Variants in PDE1A observed in about 807,000 individuals in gnomAD.
PDE1A encodes phosphodiesterase 1A, also known as dual specificity calcium/calmodulin-dependent 3',5'-cyclic nucleotide phosphodiesterase 1A.
PDE1A carries 35 observed loss-of-function variants against 61.7 expected under a neutral mutation model. The ratio of observed to expected loss-of-function variants is 0.57; its 90% CI spans 0.43 to 0.75. The LOEUF is 0.75. PDE1A is among the 30% of genes least tolerant of loss of function. PDE1A has a pLI of 0.00. For missense variants in PDE1A, 597 were observed against 630.6 expected, an observed-to-expected ratio of 0.95 and a Z score of 0.57; for synonymous variants, 232 against 213.2, an observed-to-expected ratio of 1.09 and a Z score of -0.77.
intron 1 of PDE1A, among the ~76,000 whole-genome samples, chr2:182,285,033 C>A (rs534380187): frequency 1.3e-5 from 2 of 152,056 alleles, no homozygotes; most frequent in East Asian, 1.9e-4. Flanking sequence ...CTCAAGCCAG[C>A]ATTCTTATAC....
At chr2:182,551,025 G>T in the PDE1A span, among the ~76,000 whole-genome samples, 1 of 148,456 alleles carries the variant, frequency 6.7e-6, no homozygotes, top group Non-Finnish European at 1.5e-5. Flanking sequence ...AGAATAACTG[G>T]CCAATGTTTC....
intron 2 of PDE1A, among the ~76,000 whole-genome samples, chr2:182,470,187 C>A (rs13417404): frequency 0.26 from 38,661 of 151,488 alleles, 5,142 homozygotes; most frequent in Middle Eastern, 0.43. Flanking sequence ...GCAGTAAAGC[C>A]AAGTGTAATG....
the PDE1A span, among the ~76,000 whole-genome samples, chr2:182,627,746 C>A: frequency 6.6e-6 from 1 of 151,526 alleles, no homozygotes; most frequent in African/African-American, 2.4e-5. Context: ...AGTTCGAGAC[C>A]AGGCTGGCCA....
chr2:182,252,102 T>G (rs916534163), intron 2 of PDE1A, among the ~76,000 whole-genome samples: 1 of 152,228 alleles, frequency 6.6e-6, no homozygotes, highest in Non-Finnish European at 1.5e-5. Flanking sequence ...AAATATTTGT[T>G]GAATAAATGA....
At chr2:182,302,270 G>A (rs1695294578) in intron 1 of PDE1A, among the ~76,000 whole-genome samples, 1 of 152,136 alleles carries the variant, frequency 6.6e-6, no homozygotes, top group African/African-American at 2.4e-5. Flanking sequence ...AAGATAGATT[G>A]CAATAGAAAT....
intron 1 of PDE1A, among the ~76,000 whole-genome samples, chr2:182,398,751 A>AT (rs1205095446): frequency 6.6e-6 from 1 of 151,932 alleles, no homozygotes; most frequent in African/African-American, 2.4e-5. Flanking sequence ...TAGTTTTTTC[A>AT]TTTTTGCCTT....
the PDE1A span, among the ~76,000 whole-genome samples, chr2:182,565,084 C>T: frequency 6.6e-6 from 1 of 152,150 alleles, no homozygotes; most frequent in East Asian, 1.9e-4. Flanking sequence ...AGCTTTGTTC[C>T]GTTGCTGGTG....
chr2:182,562,296 G>A, the PDE1A span, among the ~76,000 whole-genome samples: 2 of 151,100 alleles, frequency 1.3e-5, no homozygotes, highest in African/African-American at 2.4e-5. Flanking sequence ...GGCCTTTTCT[G>A]CATCTATTGA....
the PDE1A span, among the ~76,000 whole-genome samples, chr2:182,596,203 G>C: frequency 1.3e-5 from 2 of 152,180 alleles, no homozygotes; most frequent in Non-Finnish European, 2.9e-5. Flanking sequence ...GCTGGACCAG[G>C]CAGCTATGAA....
the PDE1A span, among the ~76,000 whole-genome samples, chr2:182,534,397 G>A: frequency 6.6e-6 from 1 of 151,832 alleles, no homozygotes; most frequent in African/African-American, 2.4e-5. Flanking sequence ...TAAATCTAAT[G>A]TAAGATCTTT....
intron 2 of PDE1A, among the ~76,000 whole-genome samples, chr2:182,498,813 G>A (rs868339238): frequency 6.6e-6 from 1 of 151,820 alleles, no homozygotes; most frequent in African/African-American, 2.4e-5. Flanking sequence ...ACGCGGTGGC[G>A]GGCGCCTGTA....
intron 13 of PDE1A, among the ~76,000 whole-genome samples, chr2:182,160,400 CAGTT>C (rs1331930392): frequency 6.6e-6 from 1 of 152,112 alleles, no homozygotes; most frequent in Non-Finnish European, 1.5e-5. Context: ...ACCATCCAGT[CAGTT>C]AGGGATGTAG....
chr2:182,312,971 T>A (rs1191581599), intron 1 of PDE1A, among the ~76,000 whole-genome samples: 1 of 152,216 alleles, frequency 6.6e-6, no homozygotes, highest in Non-Finnish European at 1.5e-5. Flanking sequence ...CTTTAATTTC[T>A]TTCTGCAATG....
At chr2:182,424,554 A>T (rs1288894469) in intron 1 of PDE1A, among the ~76,000 whole-genome samples, 1 of 152,168 alleles carries the variant, frequency 6.6e-6, no homozygotes, top group Non-Finnish European at 1.5e-5. Context: ...TGCCTAAGAA[A>T]GGAGGCTGAC....
chr2:182,147,372 C>T (rs1364178743), intron 13 of PDE1A, among the ~76,000 whole-genome samples: 1 of 152,116 alleles, frequency 6.6e-6, no homozygotes, highest in Admixed American at 6.5e-5. Flanking sequence ...CTTTCTCAAG[C>T]TGTGATTTAA....
intron 2 of PDE1A, among the ~76,000 whole-genome samples, chr2:182,504,842 G>A (rs550309653): frequency 3.9e-5 from 6 of 152,208 alleles, no homozygotes; most frequent in Admixed American, 2.6e-4. Context: ...CCTTGGACTT[G>A]AATGTCTGGT....
the PDE1A span, among the ~76,000 whole-genome samples, chr2:182,640,174 G>T: frequency 1.3e-5 from 2 of 152,190 alleles, no homozygotes; most frequent in Admixed American, 1.3e-4. Context: ...CAAGTGTGAA[G>T]GTTGTGTATA....
At chr2:182,386,642 C>T (rs113341848) in intron 1 of PDE1A, among the ~76,000 whole-genome samples, 30,709 of 150,698 alleles carry the variant, frequency 0.2, 3,751 homozygotes, top group East Asian at 0.45. Context: ...GGAGCCCCTC[C>T]GCCCGGCAGC....
At chr2:182,415,032 G>T (rs1178411025) in intron 1 of PDE1A, among the ~76,000 whole-genome samples, 1 of 152,098 alleles carries the variant, frequency 6.6e-6, no homozygotes, top group Admixed American at 6.5e-5. Context: ...ATTTGGGATA[G>T]ATTATTATTG....
Sources: allele counts gnomAD v4.1 joint callset (sites outside exome capture counted in the v4.1 genomes callset), GRCh38; gene constraint gnomAD v4.1.1; transcripts MANE v1.5; gene names NCBI Gene and HGNC (gene_info 2026-07-23, HGNC 2026-07-21).